STAC: variants seen among roughly 807,000 people sequenced by gnomAD.
STAC encodes SH3 and cysteine rich domain, also known as SH3 and cysteine-rich domain-containing protein.
Under a neutral mutation model 48.8 loss-of-function variants are expected in STAC, and 43 were observed. The ratio of observed to expected loss-of-function variants is 0.88; its 90% CI spans 0.69 to 1.14. The LOEUF (loss-of-function observed/expected upper bound fraction) is 1.14. Among genes scored for constraint, STAC ranks in the 50% most tolerant of loss-of-function variants. The pLI is 0.00. For synonymous variants in STAC, 193 were observed against 179.5 expected, an observed-to-expected ratio of 1.07 and a Z score of -0.60; for missense variants, 497 against 504.0, an observed-to-expected ratio of 0.99 and a Z score of 0.13.
intron 1 of STAC, among the ~76,000 whole-genome samples, chr3:36,392,992 T>C (rs1328575751): frequency 6.6e-6 from 1 of 152,202 alleles, no homozygotes; most frequent in Non-Finnish European, 1.5e-5. Flanking sequence ...TCTCCTCCTA[T>C]GATCTTGTCT....
chr3:36,524,107 C>T (rs955028382), intron 8 of STAC, among the ~76,000 whole-genome samples: 1 of 151,966 alleles, frequency 6.6e-6, no homozygotes, highest in Admixed American at 6.6e-5. Context: ...GGTTCCAGGG[C>T]ACAGGGGATG....
intron 1 of STAC, among the ~76,000 whole-genome samples, chr3:36,400,080 C>G (rs770445322): frequency 1.3e-5 from 2 of 152,202 alleles, no homozygotes; most frequent in Non-Finnish European, 2.9e-5. Flanking sequence ...CTTTCCTGCT[C>G]AAGACCCAGC....
At chr3:36,405,535 T>C (rs1700072606) in intron 1 of STAC, among the ~76,000 whole-genome samples, 1 of 152,168 alleles carries the variant, frequency 6.6e-6, no homozygotes, top group Non-Finnish European at 1.5e-5. Flanking sequence ...GCTTGGCAGT[T>C]ACTCCATCCC....
At chr3:36,398,683 AAG>A (rs1404499808) in intron 1 of STAC, among the ~76,000 whole-genome samples, 1 of 149,902 alleles carries the variant, frequency 6.7e-6, no homozygotes, top group Non-Finnish European at 1.5e-5. Flanking sequence ...GAAAGAAAGA[AAG>A]AAAGAAAAGA....
At chr3:36,512,756 C>A (rs1183971488) in intron 8 of STAC, among the ~76,000 whole-genome samples, 1 of 152,092 alleles carries the variant, frequency 6.6e-6, no homozygotes, top group Admixed American at 6.6e-5. Context: ...GCATAGACTG[C>A]AAGATTGGAG....
intron 1 of STAC, among the ~76,000 whole-genome samples, chr3:36,397,468 A>G (rs1331642167): frequency 6.6e-6 from 1 of 152,222 alleles, no homozygotes; most frequent in Non-Finnish European, 1.5e-5. Context: ...TATCTCTTCT[A>G]TTCAGTTATA....
intron 1 of STAC, among the ~76,000 whole-genome samples, chr3:36,407,200 C>A (rs1266716870): frequency 6.6e-6 from 1 of 152,172 alleles, no homozygotes; most frequent in African/African-American, 2.4e-5. Context: ...TGAATTATGT[C>A]CGTCTTCCCT....
At chr3:36,411,399 GCCT>G (rs1391042042) in intron 1 of STAC, among the ~76,000 whole-genome samples, 10 of 152,232 alleles carry the variant, frequency 6.6e-5, no homozygotes, top group Admixed American at 6.5e-4. Context: ...TGTATCTTCT[GCCT>G]CCTCCTCTCC....
chr3:36,495,777 C>T (rs1222505347), intron 6 of STAC, among the ~76,000 whole-genome samples: 1 of 152,254 alleles, frequency 6.6e-6, no homozygotes, highest in Non-Finnish European at 1.5e-5. Flanking sequence ...AGCCATCATA[C>T]AGTCATAAAG....
chr3:36,388,989 A>G (rs894095154), intron 1 of STAC, among the ~76,000 whole-genome samples: 2 of 152,194 alleles, frequency 1.3e-5, no homozygotes, highest in African/African-American at 4.8e-5. Context: ...ACCAAATTAT[A>G]AAAACAATAT....
At chr3:36,500,272 T>C (rs866900537) in intron 6 of STAC, among the ~76,000 whole-genome samples, 19 of 152,084 alleles carry the variant, frequency 1.2e-4, no homozygotes, top group Non-Finnish European at 7.4e-5. Context: ...GCCATAAAAA[T>C]GAATGAGATC....
intron 2 of STAC, among the ~76,000 whole-genome samples, chr3:36,473,424 G>A (rs550335011): frequency 1.3e-5 from 2 of 152,176 alleles, no homozygotes; most frequent in South Asian, 4.2e-4. Context: ...ATCACTATGG[G>A]GAATTGCAGA....
At chr3:36,505,626 A>C in intron 7 of STAC, 120 bp from the exon 8 acceptor site, 1 of 648,102 alleles carries the variant, frequency 1.5e-6, no homozygotes, top group South Asian at 2.1e-5. Flanking sequence ...GTTAGATAAC[A>C]CTTACGATCC....
chr3:36,539,634 T>G (rs1410016888), intron 10 of STAC, among the ~76,000 whole-genome samples: 2 of 152,132 alleles, frequency 1.3e-5, no homozygotes, highest in Non-Finnish European at 2.9e-5. Flanking sequence ...TTGATGGGCA[T>G]TTAGGTTGAA....
intron 8 of STAC, among the ~76,000 whole-genome samples, chr3:36,527,690 G>T (rs1334029700): frequency 4.6e-5 from 7 of 152,164 alleles, no homozygotes; most frequent in Non-Finnish European, 7.4e-5. Context: ...AAACATGAAA[G>T]AAATAGTAGA....
intron 1 of STAC, among the ~76,000 whole-genome samples, chr3:36,396,775 C>T (rs58766368): frequency 0.023 from 3,546 of 152,244 alleles, 58 homozygotes; most frequent in East Asian, 0.026. Flanking sequence ...TAATTTCCTT[C>T]TCCTAGTTAC....
chr3:36,488,216 T>C (rs1002303034), intron 5 of STAC, among the ~76,000 whole-genome samples: 4 of 152,304 alleles, frequency 2.6e-5, no homozygotes, highest in African/African-American at 9.6e-5. Flanking sequence ...TACAGGTGCA[T>C]GCCACTGCAC....
At chr3:36,500,995 G>T (rs904193743) in intron 6 of STAC, among the ~76,000 whole-genome samples, 1 of 152,094 alleles carries the variant, frequency 6.6e-6, no homozygotes, top group African/African-American at 2.4e-5. Flanking sequence ...TGGAAGCTTA[G>T]GGGGAAGGAT....
chr3:36,537,400 G>T (rs1699223867), intron 10 of STAC, among the ~76,000 whole-genome samples: 2 of 152,132 alleles, frequency 1.3e-5, no homozygotes, highest in Non-Finnish European at 2.9e-5. Context: ...GCAGGGACAT[G>T]GATGGAGCTG....
Sources: gnomAD v4.1 joint callset for allele counts (sites outside exome capture counted in the v4.1 genomes callset) on GRCh38, gnomAD v4.1.1 for gene constraint, MANE v1.5 for transcripts, NCBI Gene and HGNC (gene_info 2026-07-23, HGNC 2026-07-21) for gene names.